The following FAM135B variants were observed in gnomAD, a reference collection of about 807,000 sequenced individuals.
FAM135B encodes protein FAM135B.
In FAM135B, 43 loss-of-function variants were observed where a neutral mutation model predicts 127.7. The observed-to-expected ratio is 0.34, with a 90% CI of 0.26 to 0.43. The LOEUF (loss-of-function observed/expected upper bound fraction) is 0.43. FAM135B is among the 20% of genes least tolerant of loss of function. FAM135B has a pLI of 1.00. For synonymous variants in FAM135B, 670 were observed against 665.1 expected, an observed-to-expected ratio of 1.01 and a Z score of -0.11; for missense variants, 1,558 against 1,725.6, an observed-to-expected ratio of 0.90 and a Z score of 1.72.
At chr8:138,315,620 TAC>T (rs759657004) in intron 2 of FAM135B, among the ~76,000 whole-genome samples, 6 of 150,424 alleles carry the variant, frequency 4.0e-5, no homozygotes, top group Admixed American at 1.3e-4. Flanking sequence ...CATATCAATG[TAC>T]ACACACACAC....
rs756709228 is a variant in FAM135B, at chr8:138,265,693, C to T, written c.297+10G>A. ...AGCTACTTGTGGCTGGTGGTAGATTCATGACTTACCCTTTCACCACCCAAG... is the reference window on the plus strand; with the variant it reads ...AGCTACTTGTGGCTGGTGGTAGATTTATGACTTACCCTTTCACCACCCAAG... On this transcript the variant is annotated intron_variant, in intron 4 of 19. Coordinates refer to ENST00000395297, the MANE Select transcript of FAM135B (RefSeq NM_015912.4). 2 of 1,613,786 alleles carry T rather than the reference C, an allele frequency of 1.2e-6. No individual in the cohort carries two copies. Among genetic ancestry groups the T allele is most frequent in the African/African-American group, 2.7e-5 (2 of 74,912 alleles).
At chr8:138,310,059 C>A (rs1327448058) in intron 3 of FAM135B, among the ~76,000 whole-genome samples, 2 of 151,822 alleles carry the variant, frequency 1.3e-5, no homozygotes, top group East Asian at 1.9e-4. Flanking sequence ...TTAGTATAGG[C>A]AGGGTTTCAC....
chr8:138,290,140 C>T (rs1362533065), intron 3 of FAM135B, among the ~76,000 whole-genome samples: 1 of 152,140 alleles, frequency 6.6e-6, no homozygotes, highest in Admixed American at 6.5e-5. Context: ...ATCACCGAGT[C>T]CCCCTTATGA....
In FAM135B at chr8:138,368,016, G is replaced by C; in HGVS notation, c.-19-14C>G. On this transcript the variant is annotated splice_polypyrimidine_tract_variant and intron_variant, in intron 1 of 19. Coordinates refer to ENST00000395297, the MANE Select transcript of FAM135B (RefSeq NM_015912.4). ...TTGGCTCATTACCTGAAAAACAAGA[G>C]AGAAATTAACAGTTTGAGATCACAT... 2 of 1,586,838 alleles carry C rather than the reference G, an allele frequency of 1.3e-6. No individual in the cohort carries two copies. Among genetic ancestry groups the C allele is most frequent in the Non-Finnish European group, 1.7e-6 (2 of 1,155,744 alleles).
At chr8:138,397,452 T>C (rs1358323361) in intron 1 of FAM135B, among the ~76,000 whole-genome samples, 2 of 152,216 alleles carry the variant, frequency 1.3e-5, no homozygotes, top group Non-Finnish European at 2.9e-5. Context: ...GTGAATGCGT[T>C]AAATGCCAAT....
intron 2 of FAM135B, among the ~76,000 whole-genome samples, chr8:138,311,882 C>T (rs1361062832): frequency 2.0e-5 from 3 of 152,142 alleles, no homozygotes; most frequent in Non-Finnish European, 4.4e-5. Context: ...ATGAGTGACA[C>T]ATTTCCAGCT....
At chr8:138,335,378 C>T (rs576561870) in intron 2 of FAM135B, among the ~76,000 whole-genome samples, 3 of 152,172 alleles carry the variant, frequency 2.0e-5, no homozygotes, top group African/African-American at 7.2e-5. Context: ...ATATGGCATA[C>T]GTAATTTTAA....
chr8:138,463,632 G>A (rs1255071523), intron 1 of FAM135B, among the ~76,000 whole-genome samples: 1 of 152,178 alleles, frequency 6.6e-6, no homozygotes, highest in Non-Finnish European at 1.5e-5. Context: ...CAAAGGTCCT[G>A]TAACCAAATG....
intron 1 of FAM135B, among the ~76,000 whole-genome samples, chr8:138,388,891 A>G (rs994163253): frequency 6.6e-6 from 1 of 152,146 alleles, no homozygotes; most frequent in Admixed American, 6.5e-5. Flanking sequence ...CCCAATGTGA[A>G]CTGTGGACTT....
chr8:138,191,050 T>C (rs1287617440), intron 9 of FAM135B, among the ~76,000 whole-genome samples: 2 of 152,202 alleles, frequency 1.3e-5, no homozygotes, highest in African/African-American at 4.8e-5. Context: ...TGGTCACTCA[T>C]ATTTGGCTCA....
chr8:138,354,711 TTGA>T (rs1200103172), intron 2 of FAM135B, among the ~76,000 whole-genome samples: 4 of 152,122 alleles, frequency 2.6e-5, no homozygotes, highest in Admixed American at 1.3e-4. Context: ...AATGAGCAAA[TTGA>T]TGACAGTCTG....
chr8:138,391,399 C>A (rs1329253232), intron 1 of FAM135B, among the ~76,000 whole-genome samples: 1 of 152,098 alleles, frequency 6.6e-6, no homozygotes, highest in African/African-American at 2.4e-5. Context: ...CCATTCACCT[C>A]CCAGCTTCTC....
At chr8:138,322,477 C>T (rs16908816) in intron 2 of FAM135B, among the ~76,000 whole-genome samples, 2,764 of 152,188 alleles carry the variant, frequency 0.018, 49 homozygotes, top group Non-Finnish European at 0.027. Context: ...CTGAAAAGCC[C>T]GATTAAATAC....
rs2130693285 is a variant in FAM135B at position 138,148,639 on chromosome 8, C to T, written c.3329G>A (p.Gly1110Glu). The T allele has an allele frequency of 1.2e-6, 2 of 1,609,340 alleles. No homozygotes were observed. Among genetic ancestry groups the T allele is most frequent in the South Asian group, 1.1e-5 (1 of 89,806 alleles). The change falls in exon 14 of 20, where the codon GGA becomes GAA. Residue 1110 changes from glycine (G) to glutamate (E), a missense_variant. By Grantham distance (98) the Gly-to-Glu change is moderately conservative. Around this residue, in one of 5 missense-constraint regions of FAM135B, gnomAD observed 923 missense variants for 865.3 expected, o/e 1.07. Coordinates refer to ENST00000395297, the MANE Select transcript of FAM135B (RefSeq NM_015912.4). ...EKFKKELKIE[G>E]FLYSDLTVLA... is the part of the protein sequence containing the mutation. ...TACAGTTAAGTCACTGTACAGAAATCCTTCAATCTTCAGTTCTTTTTTAAA... is the reference window on the plus strand; with the variant it reads ...TACAGTTAAGTCACTGTACAGAAATTCTTCAATCTTCAGTTCTTTTTTAAA...
intron 1 of FAM135B, among the ~76,000 whole-genome samples, chr8:138,376,361 G>A (rs951626912): frequency 5.9e-5 from 9 of 152,126 alleles, no homozygotes; most frequent in Non-Finnish European, 1.2e-4. Context: ...CCCTAGGAAT[G>A]CTGATCAGCA....
intron 3 of FAM135B, among the ~76,000 whole-genome samples, chr8:138,301,633 A>ACCAG (rs1249890942): frequency 6.6e-6 from 1 of 152,176 alleles, no homozygotes; most frequent in Admixed American, 6.5e-5. Context: ...TCTGCTAGGC[A>ACCAG]CCAGCCAGCC....
chr8:138,328,470 A>C (rs936734937), intron 2 of FAM135B, among the ~76,000 whole-genome samples: 1 of 152,196 alleles, frequency 6.6e-6, no homozygotes, highest in Non-Finnish European at 1.5e-5. Context: ...AACACTAGGC[A>C]TAAATGGCTA....
chr8:138,295,419 T>G (rs754148555), intron 3 of FAM135B, among the ~76,000 whole-genome samples: 16 of 152,060 alleles, frequency 1.1e-4, no homozygotes, highest in Non-Finnish European at 2.2e-4. Flanking sequence ...AACTGGATCC[T>G]GTGTTGGGAA....
At chr8:138,238,436 G>T (rs775286046) in intron 7 of FAM135B, among the ~76,000 whole-genome samples, 15 of 152,130 alleles carry the variant, frequency 9.9e-5, no homozygotes, top group Non-Finnish European at 1.8e-4. Context: ...ATAAGCGCTT[G>T]CTCCACCAAC....
Sources: allele counts gnomAD v4.1 joint callset (sites outside exome capture counted in the v4.1 genomes callset), GRCh38; gene constraint gnomAD v4.1.1; regional missense constraint gnomAD v4.1.1; transcripts MANE v1.5; gene names NCBI Gene and HGNC (gene_info 2026-07-23, HGNC 2026-07-21).